The following POU2F1 variants were observed in gnomAD, a reference collection of about 807,000 sequenced individuals.
POU2F1 encodes the protein POU domain, class 2, transcription factor 1.
In POU2F1, 16 loss-of-function variants were observed where a neutral mutation model predicts 84.9. The ratio of observed to expected loss-of-function variants is 0.19; its 90% CI spans 0.13 to 0.29. POU2F1 has a LOEUF of 0.29. Among genes scored for constraint, POU2F1 ranks in the 10% least tolerant of loss-of-function variants. The pLI is 1.00. For missense variants in POU2F1, 738 were observed against 942.6 expected, an observed-to-expected ratio of 0.78 and a Z score of 2.84; for synonymous variants, 368 against 368.3, an observed-to-expected ratio of 1.00 and a Z score of 0.01.
Position 167,399,219 on chromosome 1 carries a change from A to G in POU2F1, c.1303A>G (p.Ile435Val). The G allele has an allele frequency of 6.2e-7, 1 of 1,613,490 alleles. No individual in the cohort carries two copies. The change falls in exon 12 of 16, where the codon ATT (isoleucine) becomes GTT (valine). Residue 435 changes from isoleucine to valine, a missense_variant. By Grantham distance (29) the Ile-to-Val change is conservative. Around this residue, in one of 4 missense-constraint regions of POU2F1, gnomAD observed 95 missense variants for 195.1 expected, o/e 0.49. Transcript: ENST00000367866. ...QKPTSEEITMIADQLNMEKEV... is the reference protein window; with the variant it reads ...QKPTSEEITMVADQLNMEKEV... ...GCCTACCTCGGAAGAGATCACTATGATTGCTGATCAGCTCAATATGGAAAA... is the reference window on the plus strand; with the variant it reads ...GCCTACCTCGGAAGAGATCACTATGGTTGCTGATCAGCTCAATATGGAAAA...
chr1:167,292,233 G>A (rs946947470), intron 1 of POU2F1, among the ~76,000 whole-genome samples: 1 of 151,958 alleles, frequency 6.6e-6, no homozygotes, highest in Non-Finnish European at 1.5e-5. Flanking sequence ...TGACACAAAT[G>A]CCAGTATACC....
At position 167,265,893 on chromosome 1, in the gene POU2F1, T is replaced by G. The variant is rs1651913807; in HGVS notation, c.61+44935T>G. Among the ~76,000 whole-genome samples, 3 of 152,262 alleles carry G rather than the reference T, an allele frequency of 2.0e-5. No individual in the cohort carries two copies. In the South Asian group the frequency reaches 6.2e-4, roughly 31 times the overall value. On this transcript the variant is annotated intron_variant, in intron 1 of 15. Coordinates refer to ENST00000367866, the MANE Select transcript of POU2F1 (RefSeq NM_002697.4). ...AGTACTTAGGTTGAGAAACCCTACC[T>G]TAGGTATTAAAACTCAAGCTTCAAT...
intron 1 of POU2F1, among the ~76,000 whole-genome samples, chr1:167,227,998 A>C (rs888418929): frequency 6.6e-6 from 1 of 152,224 alleles, no homozygotes; most frequent in Non-Finnish European, 1.5e-5. Context: ...AGATAAGAAC[A>C]CAAGACTTCT....
intron 4 of POU2F1, among the ~76,000 whole-genome samples, chr1:167,371,211 C>A (rs1370708056): frequency 6.6e-6 from 1 of 152,164 alleles, no homozygotes; most frequent in Non-Finnish European, 1.5e-5. Flanking sequence ...CAGGCTGTAT[C>A]TCCAGTGCAG....
intron 1 of POU2F1, among the ~76,000 whole-genome samples, chr1:167,247,884 T>A (rs1650452251): frequency 6.6e-6 from 1 of 152,242 alleles, no homozygotes. Flanking sequence ...TTGCCATGTT[T>A]AACTTTTTTA....
At chr1:167,288,601 T>G (rs1457801767) in intron 1 of POU2F1, among the ~76,000 whole-genome samples, 1 of 151,958 alleles carries the variant, frequency 6.6e-6, no homozygotes, top group Admixed American at 6.6e-5. Flanking sequence ...GAGGCAGGAG[T>G]GTTTGTGCCC....
Position 167,365,575 on chromosome 1 carries a change from T to A in POU2F1, c.228+8T>A, listed in dbSNP as rs1292559188. On this transcript the variant is annotated splice_region_variant and intron_variant, in intron 3 of 15. Coordinates refer to ENST00000367866, the MANE Select transcript of POU2F1 (RefSeq NM_002697.4). ...CTTGGACATCTCCATCAGGTAGGAATGTTCTGCTCAACCATCAGTGAGAGT... is the reference window on the plus strand; with the variant it reads ...CTTGGACATCTCCATCAGGTAGGAAAGTTCTGCTCAACCATCAGTGAGAGT... 2 of 1,570,506 alleles carry A rather than the reference T, an allele frequency of 1.3e-6. No individual in the cohort carries two copies. The highest frequency in any genetic ancestry group is 4.7e-5 in the East Asian group (2 of 42,970).
chr1:167,285,422 C>G (rs1653454623), intron 1 of POU2F1, among the ~76,000 whole-genome samples: 1 of 152,116 alleles, frequency 6.6e-6, no homozygotes, highest in African/African-American at 2.4e-5. Context: ...GAAACCCAGT[C>G]TCTACTGAAA....
intron 2 of POU2F1, among the ~76,000 whole-genome samples, chr1:167,336,275 T>C (rs1294582669): frequency 6.6e-6 from 1 of 152,242 alleles, no homozygotes; most frequent in East Asian, 1.9e-4. Flanking sequence ...AATAATTTTG[T>C]AACCACCTCT....
intron 1 of POU2F1, among the ~76,000 whole-genome samples, chr1:167,228,956 G>A (rs1485358166): frequency 6.6e-6 from 1 of 151,976 alleles, no homozygotes; most frequent in Non-Finnish European, 1.5e-5. Context: ...TTTTATAGTC[G>A]AGTAAAATAA....
chr1:167,285,926 C>A (rs967234070), intron 1 of POU2F1, among the ~76,000 whole-genome samples: 2 of 151,988 alleles, frequency 1.3e-5, no homozygotes. Flanking sequence ...ACTGCAAGAA[C>A]ACAAGGAACA....
At chr1:167,251,776 A>G (rs902130666) in intron 1 of POU2F1, among the ~76,000 whole-genome samples, 1 of 152,068 alleles carries the variant, frequency 6.6e-6, no homozygotes, top group Non-Finnish European at 1.5e-5. Context: ...TCATCACGGA[A>G]CATATTACAG....
At chr1:167,278,348 G>C (rs922740588) in intron 1 of POU2F1, among the ~76,000 whole-genome samples, 2 of 152,154 alleles carry the variant, frequency 1.3e-5, no homozygotes, top group East Asian at 3.8e-4. Context: ...ATGTATCTCT[G>C]AGACTGAAAA....
Position 167,383,530 on chromosome 1 carries a change from C to T in POU2F1, c.719-327C>T, listed in dbSNP as rs184020509. The stretch of plus-strand genomic sequence containing the variant: ...GGATTCTAGGTTAAGAAGTTGAGCT[C>T]TTTTTGGAATTTCCAGCTGTTTCTA... On this transcript the variant is annotated intron_variant, in intron 7 of 15. Transcript: ENST00000367866. 489 of 168,440 alleles carry T rather than the reference C, an allele frequency of 2.9e-3. 2 individuals carry two copies. The highest frequency in any genetic ancestry group is 0.011 in the African/African-American group (460 of 41,942). 10.4% of individuals were successfully genotyped at this position (168,440 alleles called of 1,614,324 possible).
At chr1:167,343,247 G>T in intron 2 of POU2F1, among the ~76,000 whole-genome samples, 1 of 152,130 alleles carries the variant, frequency 6.6e-6, no homozygotes, top group Non-Finnish European at 1.5e-5. Flanking sequence ...TTTGTTAAAT[G>T]ACTGAATAAG....
chr1:167,389,892 G>A (rs1036266013), intron 9 of POU2F1, 131 bp downstream of exon 9: 1 of 1,008,876 alleles, frequency 9.9e-7, no homozygotes, highest in Non-Finnish European at 1.5e-6. Flanking sequence ...GACGAAAAAG[G>A]ATGGTCATGT....
intron 1 of POU2F1, among the ~76,000 whole-genome samples, chr1:167,262,058 AC>A (rs1557853969): frequency 6.6e-6 from 1 of 152,204 alleles, no homozygotes. Context: ...TAAGAATAGA[AC>A]CTTAGGAACC....
intron 1 of POU2F1, among the ~76,000 whole-genome samples, chr1:167,306,673 G>GT (rs1447399375): frequency 6.6e-6 from 1 of 152,086 alleles, no homozygotes; most frequent in African/African-American, 2.4e-5. Context: ...CCAGAATAAG[G>GT]TATTAGTAGG....
intron 1 of POU2F1, among the ~76,000 whole-genome samples, chr1:167,248,271 G>T (rs539601488): frequency 1.3e-5 from 2 of 152,286 alleles, no homozygotes; most frequent in African/African-American, 4.8e-5. Context: ...CTTAATGGAT[G>T]AATTTGTTTT....
Sources: gnomAD v4.1 joint callset for allele counts (sites outside exome capture counted in the v4.1 genomes callset) on GRCh38, gnomAD v4.1.1 for gene constraint, gnomAD v4.1.1 regional missense constraint, MANE v1.5 for transcripts, NCBI Gene and HGNC (gene_info 2026-07-23, HGNC 2026-07-21) for gene names.